Variants in PRKCA observed in about 807,000 individuals in gnomAD.
PRKCA encodes the protein protein kinase C alpha type.
A neutral mutation model predicts 87.0 loss-of-function variants in PRKCA; 27 were observed. The ratio of observed to expected loss-of-function variants is 0.31; its 90% confidence interval spans 0.23 to 0.43. The LOEUF (loss-of-function observed/expected upper bound fraction) is 0.43, where lower values mean the gene tolerates loss of function less well. PRKCA is among the 20% of genes least tolerant of loss of function. The probability of loss-of-function intolerance (pLI) is 1.00; values close to 1 mark genes in which losing one functional copy is unlikely to be tolerated. For synonymous variants in PRKCA, 329 were observed against 311.1 expected, an observed-to-expected ratio of 1.06 and a Z score of -0.61; for missense variants, 518 against 852.3, an observed-to-expected ratio of 0.61 and a Z score of 4.88.
chr17:66,779,719 C>T lies in PRKCA; in HGVS notation c.1605+5652C>T, dbSNP rs890364936. On this transcript the variant is annotated intron_variant, in intron 14 of 16. Transcript: ENST00000413366. ...TCCTCATGTGTTGGTTTCCACAAAT[C>T]ACATATTGTTAAAGTGGGAAGGAGC... Among the ~76,000 whole-genome samples, 10 of 152,128 alleles carry T rather than the reference C, an allele frequency of 6.6e-5. No individual in the cohort carries two copies. In the East Asian group the frequency reaches 1.9e-3, roughly 29 times the overall value.
intron 3 of PRKCA, among the ~76,000 whole-genome samples, chr17:66,564,018 CTCTCTT>C (rs1402942241): frequency 1.3e-5 from 2 of 148,300 alleles, no homozygotes; most frequent in Non-Finnish European, 3.0e-5. Flanking sequence ...TTCTTTCTCT[CTCTCTT>C]TCTTTCTTCC....
intron 2 of PRKCA, among the ~76,000 whole-genome samples, chr17:66,477,351 C>G (rs957614318): frequency 3.3e-5 from 5 of 152,142 alleles, no homozygotes; most frequent in African/African-American, 4.8e-5. Context: ...CAAGCCTACC[C>G]AAGGGTTATT....
chr17:66,474,539 T>C (rs1055363727), intron 2 of PRKCA, among the ~76,000 whole-genome samples: 4 of 152,174 alleles, frequency 2.6e-5, no homozygotes, highest in Non-Finnish European at 5.9e-5. Context: ...ATCATTGTAA[T>C]GAATCCAATG....
intron 2 of PRKCA, among the ~76,000 whole-genome samples, chr17:66,341,436 T>C (rs751609203): frequency 6.6e-6 from 1 of 152,194 alleles, no homozygotes; most frequent in African/African-American, 2.4e-5. Context: ...TTTCTGGAGA[T>C]AGAAAATTAA....
chr17:66,635,417 C>T (rs927752104), intron 3 of PRKCA, among the ~76,000 whole-genome samples: 4 of 152,226 alleles, frequency 2.6e-5, no homozygotes, highest in Non-Finnish European at 5.9e-5. Context: ...TCCCTCATGG[C>T]CCAGGCTGGC....
intron 2 of PRKCA, among the ~76,000 whole-genome samples, chr17:66,456,819 A>T (rs565857093): frequency 1.3e-5 from 2 of 152,206 alleles, no homozygotes; most frequent in South Asian, 4.1e-4. Flanking sequence ...CTGTTTTGCT[A>T]AGGAGCCCGT....
chr17:66,728,302 T>A (rs1455808717), intron 8 of PRKCA, among the ~76,000 whole-genome samples: 1 of 152,178 alleles, frequency 6.6e-6, no homozygotes, highest in Non-Finnish European at 1.5e-5. Flanking sequence ...ACCTCTCTGA[T>A]ATGGACGTGG....
At chr17:66,699,210 CAA>C (rs59337509) in intron 8 of PRKCA, among the ~76,000 whole-genome samples, 33,803 of 105,410 alleles carry the variant, frequency 0.32, 4,300 homozygotes, top group African/African-American at 0.46. Context: ...GACTGTCTCT[CAA>C]AAAAAAAAAA....
chr17:66,698,285 A>T (rs1972976650), intron 8 of PRKCA, among the ~76,000 whole-genome samples: 1 of 152,230 alleles, frequency 6.6e-6, no homozygotes, highest in African/African-American at 2.4e-5. Flanking sequence ...AAAAATGGAG[A>T]TCTAAAAATG....
intron 2 of PRKCA, among the ~76,000 whole-genome samples, chr17:66,441,162 CAAAAAAA>C (rs199828612): frequency 9.6e-4 from 103 of 107,242 alleles, no homozygotes; most frequent in Non-Finnish European, 1.6e-3. Context: ...ACTCTGTCTC[CAAAAAAA>C]AAAAAAAAAA....
intron 3 of PRKCA, among the ~76,000 whole-genome samples, chr17:66,513,422 A>T (rs1451836955): frequency 6.6e-6 from 1 of 152,248 alleles, no homozygotes; most frequent in Non-Finnish European, 1.5e-5. Context: ...TATGCAGCCT[A>T]TAAAATTAAT....
intron 14 of PRKCA, among the ~76,000 whole-genome samples, chr17:66,784,950 G>T (rs994723930): frequency 6.6e-6 from 1 of 152,222 alleles, no homozygotes; most frequent in Admixed American, 6.5e-5. Flanking sequence ...CCCCTGCCCT[G>T]TTCTGAGTCC....
chr17:66,595,444 A>G (rs967038526), intron 3 of PRKCA, among the ~76,000 whole-genome samples: 4 of 120,272 alleles, frequency 3.3e-5, no homozygotes, highest in Admixed American at 8.8e-5. Flanking sequence ...CAAAAACTCT[A>G]TTTTATTTTC....
At chr17:66,559,336 C>T (rs987340453) in intron 3 of PRKCA, among the ~76,000 whole-genome samples, 4 of 151,446 alleles carry the variant, frequency 2.6e-5, no homozygotes, top group Non-Finnish European at 5.9e-5. Context: ...ATGAGCTGGG[C>T]GTGGTGGTGG....
At chr17:66,777,420 T>TGGGGGGGG in intron 14 of PRKCA, 1 of 962,014 alleles carries the variant, frequency 1.0e-6, no homozygotes, top group Non-Finnish European at 1.2e-6. Context: ...ATTTATTTAG[T>TGGGGGGGG]TCCCCTCCCC....
At chr17:66,639,919 TG>T (rs892230386) in intron 3 of PRKCA, among the ~76,000 whole-genome samples, 7 of 151,952 alleles carry the variant, frequency 4.6e-5, no homozygotes, top group African/African-American at 1.7e-4. Context: ...CGCTTGAACC[TG>T]GGAGGCAGAG....
At chr17:66,679,037 C>G (rs1390436030) in intron 5 of PRKCA, among the ~76,000 whole-genome samples, 1 of 152,122 alleles carries the variant, frequency 6.6e-6, no homozygotes, top group Non-Finnish European at 1.5e-5. Flanking sequence ...ACATCATGGT[C>G]TTCATTGATT....
At chr17:66,545,153 G>A (rs1037810008) in intron 3 of PRKCA, among the ~76,000 whole-genome samples, 17 of 152,150 alleles carry the variant, frequency 1.1e-4, no homozygotes, top group African/African-American at 3.9e-4. Context: ...TTTAGGCTGG[G>A]CGCAGTGAAT....
intron 3 of PRKCA, among the ~76,000 whole-genome samples, chr17:66,563,199 A>G (rs1968770566): frequency 6.6e-6 from 1 of 152,102 alleles, no homozygotes; most frequent in South Asian, 2.1e-4. Context: ...ACAAAAGTCC[A>G]TGGTCTACAT....
Sources: gnomAD v4.1 joint callset for allele counts (sites outside exome capture counted in the v4.1 genomes callset) on GRCh38, gnomAD v4.1.1 for gene constraint, MANE v1.5 for transcripts, NCBI Gene and HGNC (gene_info 2026-07-23, HGNC 2026-07-21) for gene names.